MACROH2A2: variants seen among roughly 807,000 people sequenced by gnomAD.
The protein encoded by MACROH2A2 is core histone macro-H2A.2.
A neutral mutation model predicts 37.6 loss-of-function variants in MACROH2A2; 6 were observed. That is an observed-to-expected ratio of 0.16 (90% CI 0.09 to 0.32). MACROH2A2 has a LOEUF of 0.32. Ranked by LOEUF, MACROH2A2 falls within the 10% of genes least tolerant of loss-of-function variation. MACROH2A2 has a pLI of 1.00. For synonymous variants in MACROH2A2, 192 were observed against 202.7 expected (o/e 0.95, Z 0.45); for missense variants, 290 against 485.9 (o/e 0.60, Z 3.79).
intron 1 of MACROH2A2, among the ~76,000 whole-genome samples, chr10:70,069,914 C>T (rs1405215076): frequency 3.9e-5 from 6 of 152,172 alleles, no homozygotes; most frequent in Non-Finnish European, 7.3e-5. Flanking sequence ...TTTATCATAA[C>T]TCCAGGCATA....
intron 2 of MACROH2A2, among the ~76,000 whole-genome samples, chr10:70,082,367 G>A (rs1327209866): frequency 6.6e-6 from 1 of 151,032 alleles, no homozygotes; most frequent in Admixed American, 6.6e-5. Context: ...GCGGTGAGCC[G>A]AGATTGCGCC....
At chr10:70,064,533 A>G (rs1043500355) in intron 1 of MACROH2A2, among the ~76,000 whole-genome samples, 6 of 151,924 alleles carry the variant, frequency 3.9e-5, no homozygotes, top group Admixed American at 6.6e-5. Flanking sequence ...CCTCATCCAC[A>G]TCTCAACTTG....
intron 7 of MACROH2A2, among the ~76,000 whole-genome samples, chr10:70,103,266 G>A (rs1205663868): frequency 1.3e-5 from 2 of 152,204 alleles, no homozygotes; most frequent in African/African-American, 4.8e-5. Context: ...CATCAGGACT[G>A]GGGGCCTGGG....
rs2072135576 is a variant in MACROH2A2 at position 70,075,727 on chromosome 10, T to C, written c.69T>C (p.Phe23=). ...GTTCAGCTAGGGCAGGTGTCATCTT[T>C]CCAGTGGGGAGGCTGATGCGTTATC... ...LSRSARAGVI[F]PVGRLMRYLK... The change falls in exon 2 of 9, where the codon TTT becomes TTC. Residue 23 remains phenylalanine, a synonymous_variant. Transcript: ENST00000373255. This position sits in a 1 kb window ranked among gnomAD's most constrained non-coding sequence, Gnocchi z 5.0. The C allele has an allele frequency of 6.8e-6, 11 of 1,614,042 alleles. No homozygotes were observed. The highest frequency in any genetic ancestry group is 1.1e-5 in the South Asian group (1 of 91,088).
intron 5 of MACROH2A2, among the ~76,000 whole-genome samples, chr10:70,094,337 G>A (rs946528581): frequency 4.6e-5 from 7 of 152,174 alleles, no homozygotes; most frequent in Non-Finnish European, 7.4e-5. Context: ...GCTTTAGAAA[G>A]TAAACAAACA....
At chr10:70,081,680 T>C (rs1235055524) in intron 2 of MACROH2A2, among the ~76,000 whole-genome samples, 1 of 151,724 alleles carries the variant, frequency 6.6e-6, no homozygotes, top group East Asian at 1.9e-4. Context: ...CCACAGTGAG[T>C]TGAGAAGTGG....
intron 1 of MACROH2A2, among the ~76,000 whole-genome samples, chr10:70,073,119 G>A (rs2072120283): frequency 1.3e-5 from 2 of 152,096 alleles, no homozygotes; most frequent in African/African-American, 4.8e-5. Context: ...CGCAGTCCTG[G>A]GCTCCTTCCA....
rs557624403 is a variant in MACROH2A2 at position 70,095,492 on chromosome 10, A to C, written c.589-162A>C. ...CACTGAGCTCAAAGAGCTTATTGCA[A>C]GCCAAACACCTGGGAAACTGGAGGT... On this transcript the variant is annotated intron_variant, in intron 5 of 8. Coordinates refer to ENST00000373255, the MANE Select transcript of MACROH2A2 (RefSeq NM_018649.3). Among the ~76,000 whole-genome samples the C allele has an allele frequency of 4.6e-5, 7 of 152,334 alleles. No individual in the cohort carries two copies. In the East Asian group the frequency reaches 1.3e-3, roughly 29 times the overall value.
intron 1 of MACROH2A2, among the ~76,000 whole-genome samples, chr10:70,072,892 A>G (rs1433351707): frequency 6.6e-6 from 1 of 152,110 alleles, no homozygotes; most frequent in African/African-American, 2.4e-5. Flanking sequence ...CAGAGGCAGA[A>G]GTTGCAATGA....
intron 8 of MACROH2A2, among the ~76,000 whole-genome samples, chr10:70,110,187 C>T (rs940069654): frequency 7.9e-5 from 12 of 152,124 alleles, no homozygotes; most frequent in Non-Finnish European, 1.5e-4. Flanking sequence ...TTAACAGGCC[C>T]CTCCTGGACC....
At chr10:70,057,792 G>A (rs1241892387) in intron 1 of MACROH2A2, among the ~76,000 whole-genome samples, 1 of 152,160 alleles carries the variant, frequency 6.6e-6, no homozygotes, top group Non-Finnish European at 1.5e-5. Flanking sequence ...TTTATTAAAT[G>A]TCTGCTACCT....
intron 2 of MACROH2A2, among the ~76,000 whole-genome samples, chr10:70,081,790 G>A (rs1464987853): frequency 1.3e-5 from 2 of 152,132 alleles, no homozygotes; most frequent in Non-Finnish European, 2.9e-5. Context: ...ATGTAAAATG[G>A]TGCAGCCTAT....
chr10:70,088,324 A>G (rs2072224719), intron 2 of MACROH2A2, among the ~76,000 whole-genome samples: 1 of 152,188 alleles, frequency 6.6e-6, no homozygotes, highest in African/African-American at 2.4e-5. Flanking sequence ...TCAGTGAGAC[A>G]ACAACACATT....
At chr10:70,067,211 C>T (rs2072084644) in intron 1 of MACROH2A2, among the ~76,000 whole-genome samples, 1 of 152,138 alleles carries the variant, frequency 6.6e-6, no homozygotes, top group Admixed American at 6.6e-5. Context: ...TTCCCCTAAG[C>T]ACAGTTTTTC....
chr10:70,095,527 C>T, intron 5 of MACROH2A2, 127 bp from the exon 6 acceptor site: 2 of 593,330 alleles, frequency 3.4e-6, no homozygotes, highest in South Asian at 4.2e-5. Context: ...TTGTCACTCT[C>T]TATGCAGCCC....
chr10:70,082,145 C>T (rs969820180), intron 2 of MACROH2A2, among the ~76,000 whole-genome samples: 1 of 152,186 alleles, frequency 6.6e-6, no homozygotes, highest in African/African-American at 2.4e-5. Context: ...CTCGGCCGGG[C>T]GCAGTGGCTC....
chr10:70,095,173 C>T (rs576014674), intron 5 of MACROH2A2, among the ~76,000 whole-genome samples: 4 of 152,224 alleles, frequency 2.6e-5, no homozygotes, highest in African/African-American at 9.6e-5. Flanking sequence ...TCAAGATCAT[C>T]CTGGCTAACA....
chr10:70,089,744 T>A (rs1035303219), intron 2 of MACROH2A2, among the ~76,000 whole-genome samples: 9 of 152,082 alleles, frequency 5.9e-5, no homozygotes, highest in African/African-American at 1.7e-4. Context: ...TTTCTTTTTT[T>A]AAATTTTTTA....
At chr10:70,095,623 C>A in intron 5 of MACROH2A2, 31 bp from the exon 6 acceptor site, 1 of 987,986 alleles carries the variant, frequency 1.0e-6, no homozygotes, top group Non-Finnish European at 1.6e-6. Flanking sequence ...TTTATCTTTT[C>A]CACATTCACC....
Sources: allele counts gnomAD v4.1 joint callset (sites outside exome capture counted in the v4.1 genomes callset), GRCh38; gene constraint gnomAD v4.1.1; non-coding constraint Gnocchi (gnomAD v3.1); transcripts MANE v1.5; gene names NCBI Gene and HGNC (gene_info 2026-07-23, HGNC 2026-07-21).